Variants in KLHL29 observed in about 807,000 individuals in gnomAD.
KLHL29 encodes the protein kelch like family member 29, also known as kelch-like protein 29.
A neutral mutation model predicts 80.4 loss-of-function variants in KLHL29; 21 were observed. The observed-to-expected ratio is 0.26, with a 90% CI of 0.19 to 0.38. The LOEUF is 0.38. Ranked by LOEUF, KLHL29 falls within the 10% of genes least tolerant of loss-of-function variation. KLHL29 has a pLI of 1.00. For synonymous variants in KLHL29, 511 were observed against 526.8 expected (o/e 0.97, Z 0.41); for missense variants, 867 against 1,223.9 (o/e 0.71, Z 4.35).
chr2:23,482,855 T>C (rs1317847577), intron 2 of KLHL29, among the ~76,000 whole-genome samples: 1 of 102,368 alleles, frequency 9.8e-6, no homozygotes, highest in Admixed American at 1.2e-4. Context: ...ATTCATTCAT[T>C]CATTCATTCA....
chr2:23,696,550 T>C lies in KLHL29; in HGVS notation c.2105+37T>C. On this transcript the variant is annotated intron_variant, in intron 11 of 13. Transcript: ENST00000486442. The surrounding 1 kb of genome is among the most constrained non-coding windows in gnomAD (Gnocchi z 5.5). ...ACGGTCAGGACAGGGGCATGCTCTTTGCTCACCAAGAACTGAAATCACGTC... is the reference window on the plus strand; with the variant it reads ...ACGGTCAGGACAGGGGCATGCTCTTCGCTCACCAAGAACTGAAATCACGTC... 6.9e-7 allele frequency: 1 copy of C among 1,451,194 alleles called. No homozygotes were observed. Among genetic ancestry groups the C allele is most frequent in the Non-Finnish European group, 9.2e-7 (1 of 1,090,662 alleles). The allele number at this position is 1,451,194 out of a possible 1,614,324, so 89.9% of individuals were successfully genotyped here.
chr2:23,421,620 AGT>A (rs1282373913), intron 1 of KLHL29, among the ~76,000 whole-genome samples: 1 of 120,064 alleles, frequency 8.3e-6, no homozygotes, highest in Non-Finnish European at 1.8e-5. Flanking sequence ...TGTGTGTCTG[AGT>A]GTGTGTTCAT....
chr2:23,557,065 C>G (rs1667316433), intron 2 of KLHL29, among the ~76,000 whole-genome samples: 3 of 152,214 alleles, frequency 2.0e-5, no homozygotes, highest in South Asian at 4.1e-4. Context: ...CACGGGCAGC[C>G]TGCCAGGAAA....
intron 3 of KLHL29, among the ~76,000 whole-genome samples, chr2:23,606,998 A>G (rs888988049): frequency 3.3e-5 from 5 of 152,178 alleles, no homozygotes; most frequent in African/African-American, 4.8e-5. Flanking sequence ...ACTGTACTCC[A>G]TGGTGGAAGG....
chr2:23,391,636 T>C (rs927851231), intron 1 of KLHL29, among the ~76,000 whole-genome samples: 11 of 152,158 alleles, frequency 7.2e-5, no homozygotes, highest in Non-Finnish European at 1.6e-4. Context: ...GGTTTCTCCA[T>C]GTTGGTCAGG....
intron 3 of KLHL29, among the ~76,000 whole-genome samples, chr2:23,632,119 G>A (rs1156624306): frequency 1.3e-5 from 2 of 152,194 alleles, no homozygotes; most frequent in Non-Finnish European, 2.9e-5. Context: ...CTGCTTTTGT[G>A]CACTCCCATT....
intron 2 of KLHL29, among the ~76,000 whole-genome samples, chr2:23,527,197 C>G (rs1443275099): frequency 6.6e-6 from 1 of 152,202 alleles, no homozygotes; most frequent in East Asian, 1.9e-4. Flanking sequence ...TGTTTCCTGC[C>G]TCTGCTTCAT....
At chr2:23,705,969 C>T (rs757801495) in intron 13 of KLHL29, among the ~76,000 whole-genome samples, 2 of 152,168 alleles carry the variant, frequency 1.3e-5, no homozygotes, top group Non-Finnish European at 2.9e-5. Context: ...AGAGCATGCC[C>T]GGCCCTTGCA....
rs17045304 is a variant in KLHL29, at chr2:23,406,540, G to T, written c.-154+20760G>T. On this transcript the variant is annotated intron_variant, in intron 1 of 13. Transcript: ENST00000486442. ...TACTCTTAAACATCACTTCCGGATG[G>T]CTTCATTTATCCCATCCTGCCTGCA... is the stretch of plus-strand genomic sequence containing the variant. 2.6e-5 allele frequency among the ~76,000 whole-genome samples: 4 copies of T among 152,056 alleles called. No individual in the cohort carries two copies. The East Asian group carries it at 5.8e-4, about 22-fold the overall frequency.
intron 3 of KLHL29, among the ~76,000 whole-genome samples, chr2:23,634,301 A>C (rs1182893903): frequency 6.6e-6 from 1 of 152,158 alleles, no homozygotes; most frequent in East Asian, 1.9e-4. Flanking sequence ...TCGTCCCTCC[A>C]GGAAAGGCCC....
chr2:23,663,751 G>A (rs1341174664), intron 5 of KLHL29, among the ~76,000 whole-genome samples: 2 of 152,228 alleles, frequency 1.3e-5, no homozygotes, highest in Non-Finnish European at 2.9e-5. Flanking sequence ...ACAAGCAGCA[G>A]AAATTTATGG....
rs1668318230 is a variant in KLHL29, at chr2:23,593,463, T to G, written c.285+30982T>G. Among the ~76,000 whole-genome samples the G allele has an allele frequency of 2.6e-5, 4 of 152,268 alleles. No homozygotes were observed. In the South Asian group the frequency reaches 8.3e-4, roughly 32 times the overall value. ...CCCAAGCCCGGTCTCCAGGCCTATG[T>G]GTCTAACAGATGCATCTATTCAGTG... On this transcript the variant is annotated intron_variant, in intron 3 of 13. Coordinates refer to ENST00000486442, the MANE Select transcript of KLHL29 (RefSeq NM_052920.2).
At chr2:23,390,376 G>A (rs901303711) in intron 1 of KLHL29, among the ~76,000 whole-genome samples, 4 of 152,168 alleles carry the variant, frequency 2.6e-5, no homozygotes, top group African/African-American at 7.2e-5. Context: ...TGGTTGTAAC[G>A]GCCGGGGATC....
At chr2:23,508,017 C>T (rs1353879194) in intron 2 of KLHL29, among the ~76,000 whole-genome samples, 3 of 152,292 alleles carry the variant, frequency 2.0e-5, no homozygotes, top group South Asian at 2.1e-4. Flanking sequence ...GTCCTAGGGA[C>T]GGCTCCTGGT....
intron 3 of KLHL29, among the ~76,000 whole-genome samples, chr2:23,602,071 G>A (rs537293548): frequency 1.3e-5 from 2 of 152,292 alleles, no homozygotes; most frequent in East Asian, 3.9e-4. Flanking sequence ...AAGGGGCAGG[G>A]GACACAGCAA....
chr2:23,422,302 G>T (rs1662839277), intron 1 of KLHL29, among the ~76,000 whole-genome samples: 1 of 150,816 alleles, frequency 6.6e-6, no homozygotes, highest in Non-Finnish European at 1.5e-5. Context: ...TGCATTTTGT[G>T]TTTCCTTATG....
intron 2 of KLHL29, among the ~76,000 whole-genome samples, chr2:23,484,056 C>T (rs1356952585): frequency 6.6e-6 from 1 of 152,142 alleles, no homozygotes; most frequent in East Asian, 1.9e-4. Flanking sequence ...TATGGGCTGC[C>T]CTTCTTCCCA....
At chr2:23,469,837 G>A (rs188035569) in intron 1 of KLHL29, among the ~76,000 whole-genome samples, 30 of 152,132 alleles carry the variant, frequency 2.0e-4, no homozygotes, top group African/African-American at 5.3e-4. Context: ...TGGCACCTTT[G>A]GCTTCTTTTT....
chr2:23,387,241 G>A (rs1441693473), intron 1 of KLHL29, among the ~76,000 whole-genome samples: 1 of 152,224 alleles, frequency 6.6e-6, no homozygotes, highest in East Asian at 1.9e-4. Context: ...CAGCTCAGCG[G>A]CATCCCGGCC....
Sources: allele counts gnomAD v4.1 joint callset (sites outside exome capture counted in the v4.1 genomes callset), GRCh38; gene constraint gnomAD v4.1.1; non-coding constraint Gnocchi (gnomAD v3.1); transcripts MANE v1.5; gene names NCBI Gene and HGNC (gene_info 2026-07-23, HGNC 2026-07-21).